TEX9: variants seen among roughly 807,000 people sequenced by gnomAD.
TEX9 encodes the protein testis expressed 9, also known as testis-expressed protein 9.
TEX9 carries 74 observed loss-of-function variants against 59.6 expected under a neutral mutation model. The ratio of observed to expected loss-of-function variants is 1.24; its 90% CI spans 1.03 to 1.51. The LOEUF is 1.51. Ranked by LOEUF, TEX9 falls within the 40% of genes most tolerant of loss-of-function variation. The pLI, the probability that TEX9 is intolerant of heterozygous loss-of-function variation, is 0.00. For missense variants in TEX9, 522 were observed against 447.8 expected, an observed-to-expected ratio of 1.17 and a Z score of -1.49; for synonymous variants, 186 against 152.2, an observed-to-expected ratio of 1.22 and a Z score of -1.64.
intron 1 of TEX9, among the ~76,000 whole-genome samples, chr15:56,353,814 A>G (rs1395593695): frequency 6.6e-6 from 1 of 152,178 alleles, no homozygotes; most frequent in African/African-American, 2.4e-5. Flanking sequence ...TATTGTTGAG[A>G]GTAATTGCTT....
At chr15:56,276,857 T>C (rs185688864) in intron 1 of TEX9, among the ~76,000 whole-genome samples, 1 of 152,170 alleles carries the variant, frequency 6.6e-6, no homozygotes, top group African/African-American at 2.4e-5. Flanking sequence ...CTGATAGCCG[T>C]TCTAACTGGT....
chr15:56,398,028 G>A (rs1483473261), intron 9 of TEX9: 1 of 152,112 alleles, frequency 6.6e-6, no homozygotes, highest in Non-Finnish European at 1.5e-5. Flanking sequence ...TTATTGCTGA[G>A]TAGTGTAAAC....
chr15:56,386,064 T>C (rs2047947838), intron 4 of TEX9, among the ~76,000 whole-genome samples: 1 of 152,118 alleles, frequency 6.6e-6, no homozygotes, highest in African/African-American at 2.4e-5. Context: ...TATCAATTGG[T>C]GGCTGGATAA....
At position 56,376,627 on chromosome 15, in the gene TEX9, A is replaced by G. The variant is rs563763889; in HGVS notation, c.183+3123A>G. Among the ~76,000 whole-genome samples, 136 of 151,772 alleles carry G rather than the reference A, an allele frequency of 9.0e-4. 1 individual carries two copies. Among genetic ancestry groups the G allele is most frequent in the Non-Finnish European group, 1.4e-3 (95 of 67,900 alleles). On this transcript the variant is annotated intron_variant, in intron 3 of 12. Transcript: ENST00000352903. The stretch of plus-strand genomic sequence containing the variant: ...ATTAGATTATTAGATTTTTTTTCCT[A>G]TAGAGTTGTTTGAGCTCCCTATATT...
intron 9 of TEX9, chr15:56,398,145 A>G (rs961115361): frequency 6.6e-6 from 1 of 152,196 alleles, no homozygotes; most frequent in African/African-American, 2.4e-5. Flanking sequence ...GCCACTTACC[A>G]TATGTGGCTA....
At chr15:56,426,642 C>A (rs202083351) in intron 10 of TEX9, among the ~76,000 whole-genome samples, 2,263 of 58,142 alleles carry the variant, frequency 0.039, 90 homozygotes, top group Non-Finnish European at 0.065. Context: ...CACACAAACA[C>A]ACACACACAC....
intron 1 of TEX9, among the ~76,000 whole-genome samples, chr15:56,317,269 G>T (rs1303285293): frequency 1.3e-5 from 2 of 152,188 alleles, no homozygotes; most frequent in Non-Finnish European, 2.9e-5. Flanking sequence ...AAATTGACCA[G>T]TTTGTCTTTC....
intron 12 of TEX9, among the ~76,000 whole-genome samples, chr15:56,439,866 G>C (rs2050790406): frequency 6.6e-6 from 1 of 150,794 alleles, no homozygotes; most frequent in South Asian, 2.1e-4. Flanking sequence ...GACACAGAAA[G>C]CATGATCCAT....
chr15:56,403,369 C>G (rs533975336), intron 9 of TEX9, among the ~76,000 whole-genome samples: 1 of 152,258 alleles, frequency 6.6e-6, no homozygotes, highest in Non-Finnish European at 1.5e-5. Flanking sequence ...CATGAGTGAA[C>G]TCCCATTCAC....
intron 1 of TEX9, among the ~76,000 whole-genome samples, chr15:56,291,715 C>A (rs886900432): frequency 2.7e-4 from 41 of 152,210 alleles, no homozygotes; most frequent in African/African-American, 9.6e-4. Context: ...CTCCCCCCAA[C>A]TTCTACCTTT....
chr15:56,321,804 G>A (rs2045910328), intron 1 of TEX9, among the ~76,000 whole-genome samples: 1 of 152,114 alleles, frequency 6.6e-6, no homozygotes. Context: ...TGATTTGAAT[G>A]ACTCCTGCAG....
chr15:56,274,180 CT>C (rs1196917320), intron 1 of TEX9, among the ~76,000 whole-genome samples: 2 of 152,062 alleles, frequency 1.3e-5, no homozygotes, highest in Non-Finnish European at 2.9e-5. Flanking sequence ...ATTTACCCAC[CT>C]TTTTTCTTTT....
intron 3 of TEX9, among the ~76,000 whole-genome samples, chr15:56,383,114 T>G (rs1443765545): frequency 6.6e-6 from 1 of 152,152 alleles, no homozygotes; most frequent in African/African-American, 2.4e-5. Context: ...TCCAGATGCT[T>G]CCTCCATGCA....
At chr15:56,273,696 T>A (rs2044603648) in intron 1 of TEX9, among the ~76,000 whole-genome samples, 1 of 152,260 alleles carries the variant, frequency 6.6e-6, no homozygotes, top group East Asian at 1.9e-4. Flanking sequence ...GAAAGATAGT[T>A]CTGCAACATA....
At chr15:56,269,986 T>C (rs1287776075) in intron 1 of TEX9, among the ~76,000 whole-genome samples, 2 of 152,126 alleles carry the variant, frequency 1.3e-5, no homozygotes, top group Non-Finnish European at 2.9e-5. Context: ...TGAGTTCTAA[T>C]TTGATTGCAC....
chr15:56,439,112 C>T (rs2050777362), intron 12 of TEX9, among the ~76,000 whole-genome samples: 1 of 152,092 alleles, frequency 6.6e-6, no homozygotes, highest in South Asian at 2.1e-4. Flanking sequence ...ACAAGATAAA[C>T]ACAAAAATAT....
At chr15:56,404,964 C>G (rs2049002988) in intron 9 of TEX9, among the ~76,000 whole-genome samples, 2 of 152,052 alleles carry the variant, frequency 1.3e-5, no homozygotes, top group Non-Finnish European at 2.9e-5. Context: ...GGGAACATCA[C>G]ACACCAGGGC....
upstream of TEX9, among the ~76,000 whole-genome samples, chr15:56,362,062 G>C (rs2046800039): frequency 6.6e-6 from 1 of 152,148 alleles, no homozygotes; most frequent in African/African-American, 2.4e-5. Context: ...ATTAAAGTGT[G>C]TTATGGCTAG....
chr15:56,441,810 C>G (rs112891000), intron 12 of TEX9, among the ~76,000 whole-genome samples: 1 of 151,978 alleles, frequency 6.6e-6, no homozygotes, highest in South Asian at 2.1e-4. Context: ...GTCAGGAGAT[C>G]GAGACCATCC....
Sources: allele counts gnomAD v4.1 joint callset (sites outside exome capture counted in the v4.1 genomes callset), GRCh38; gene constraint gnomAD v4.1.1; transcripts MANE v1.5; gene names NCBI Gene and HGNC (gene_info 2026-07-23, HGNC 2026-07-21).